The following PCDH17 variants were observed in gnomAD, a reference collection of about 807,000 sequenced individuals.
PCDH17 encodes the protein protocadherin 17.
A neutral mutation model predicts 67.7 loss-of-function variants in PCDH17; 21 were observed. The ratio of observed to expected loss-of-function variants is 0.31; its 90% CI spans 0.22 to 0.45. The LOEUF is 0.45. PCDH17 is among the 20% of genes least tolerant of loss of function. The pLI is 1.00. For synonymous variants in PCDH17, 701 were observed against 656.7 expected, an observed-to-expected ratio of 1.07 and a Z score of -1.03; for missense variants, 1,471 against 1,564.8, an observed-to-expected ratio of 0.94 and a Z score of 1.01.
Position 57,728,047 on chromosome 13 carries a change from GTGTTAGC to G in PCDH17, c.*2758_*2764del, listed in dbSNP as rs1378974796. The G allele has an allele frequency of 2.0e-5, 3 of 152,722 alleles. No homozygotes were observed. The highest frequency in any genetic ancestry group is 2.0e-4 in the Admixed American group (3 of 15,280). The allele number at this position is 152,722 out of a possible 1,614,324, so 9.5% of individuals were successfully genotyped here. A position where few individuals can be genotyped will look rare whatever the true frequency, so the allele number is the denominator to read the frequency against. Reference sequence around the variant, plus strand: ...GCTCTCTGTCACCAGTGATTTACTAGTGTTAGCTGTTTAACACATTATCTGTATTTAG... The same window carrying G: ...GCTCTCTGTCACCAGTGATTTACTAGTGTTTAACACATTATCTGTATTTAG... On this transcript the variant is annotated 3_prime_UTR_variant, in exon 4 of 4. Coordinates refer to ENST00000377918, the MANE Select transcript of PCDH17 (RefSeq NM_001040429.3).
At chr13:57,679,409 A>G (rs1955426885) in intron 3 of PCDH17, among the ~76,000 whole-genome samples, 1 of 151,268 alleles carries the variant, frequency 6.6e-6, no homozygotes. Context: ...AGTCTAGCCA[A>G]AGTAAATATG....
chr13:57,651,131 C>T (rs1955031811), intron 1 of PCDH17, among the ~76,000 whole-genome samples: 1 of 152,162 alleles, frequency 6.6e-6, no homozygotes, highest in Non-Finnish European at 1.5e-5. Context: ...CACATGCACA[C>T]AAACACACAA....
chr13:57,637,438 T>C (rs193070579), intron 1 of PCDH17, among the ~76,000 whole-genome samples: 1 of 144,662 alleles, frequency 6.9e-6, no homozygotes, highest in African/African-American at 2.5e-5. Flanking sequence ...AGGGACAGTC[T>C]TTTTTTTTTT....
intron 1 of PCDH17, among the ~76,000 whole-genome samples, chr13:57,659,153 A>G (rs974912443): frequency 1.3e-5 from 2 of 151,916 alleles, no homozygotes; most frequent in African/African-American, 4.8e-5. Context: ...ACTCACATAT[A>G]TAATTATCAG....
Position 57,725,248 on chromosome 13 carries a change from T to A in PCDH17, c.3434T>A (p.Leu1145His). 1 of 1,613,668 alleles carries A rather than the reference T, an allele frequency of 6.2e-7. No homozygotes were observed. Among genetic ancestry groups the A allele is most frequent in the South Asian group, 1.1e-5 (1 of 91,066 alleles). ...AEEVVREIDKLLQDCRGNDPV... is the reference protein window; with the variant it reads ...AEEVVREIDKHLQDCRGNDPV... ...GAAGTTGTGAGAGAAATTGATAAGCTTTTGCAAGACTGCCGGGGAAACGAC... is the reference window on the plus strand; with the variant it reads ...GAAGTTGTGAGAGAAATTGATAAGCATTTGCAAGACTGCCGGGGAAACGAC... Residue 1145 changes from leucine to histidine, a missense_variant, in exon 4 of 4, where the codon CTT becomes CAT. This residue lies in a region of PCDH17 where 297 missense variants were observed against 298.6 expected (regional missense o/e 0.99). Coordinates refer to ENST00000377918, the MANE Select transcript of PCDH17 (RefSeq NM_001040429.3).
In PCDH17 at chr13:57,646,764, T is replaced by A. The variant is rs549844570; in HGVS notation, c.2565+11653T>A. Among the ~76,000 whole-genome samples, 38 of 151,924 alleles carry A rather than the reference T, an allele frequency of 2.5e-4. No homozygotes were observed. The South Asian group carries it at 4.1e-3, about 17-fold the overall frequency. On this transcript the variant is annotated intron_variant, in intron 1 of 3. Transcript: ENST00000377918. ...TTAAATATCATATAAGATTATCCCATGAATAAGAAGTTCTCAATGCAGAAT... is the reference window on the plus strand; with the variant it reads ...TTAAATATCATATAAGATTATCCCAAGAATAAGAAGTTCTCAATGCAGAAT...
intron 3 of PCDH17, among the ~76,000 whole-genome samples, chr13:57,693,858 T>G (rs1955582629): frequency 6.6e-6 from 1 of 151,186 alleles, no homozygotes; most frequent in Admixed American, 6.6e-5. Context: ...TTAGATTTCA[T>G]CTTTCTATAT....
Position 57,692,204 on chromosome 13 carries a change from T to C in PCDH17, c.2797+25371T>C, listed in dbSNP as rs940357824. Among the ~76,000 whole-genome samples, 4 of 151,368 alleles carry C rather than the reference T, an allele frequency of 2.6e-5. No homozygotes were observed. The East Asian group carries it at 7.7e-4, about 29-fold the overall frequency. On this transcript the variant is annotated intron_variant, in intron 3 of 3. Transcript: ENST00000377918. ...CAGTTCTACGCTTATTATTAAATTG[T>C]CTGCAATTTTATGGATAAATAAATG...
rs1460888592 is a variant in PCDH17, at chr13:57,633,382, T to C, written c.836T>C (p.Leu279Pro). 1 of 1,613,156 alleles carries C rather than the reference T, an allele frequency of 6.2e-7. No homozygotes were observed. The highest frequency in any genetic ancestry group is 1.7e-5 in the Admixed American group (1 of 59,992). ...GATGAAGGTCCCAATGGTGAAGTGCTCTACTCTTTCAGCAGCTACGTGCCT... is the reference window on the plus strand; with the variant it reads ...GATGAAGGTCCCAATGGTGAAGTGCCCTACTCTTTCAGCAGCTACGTGCCT... ...DADEGPNGEV[L>P]YSFSSYVPDR... Residue 279 changes from leucine (L) to proline (P), a missense_variant, in exon 1 of 4, where the codon CTC becomes CCC. By Grantham distance (98) the Leu-to-Pro change is moderately conservative (BLOSUM62 -3). Around this residue, in one of 3 missense-constraint regions of PCDH17, gnomAD observed 1,163 missense variants for 1,230.0 expected, o/e 0.95. Coordinates refer to ENST00000377918, the MANE Select transcript of PCDH17 (RefSeq NM_001040429.3). This position sits in a 1 kb window ranked among gnomAD's most constrained non-coding sequence, Gnocchi z 6.2.
intron 1 of PCDH17, among the ~76,000 whole-genome samples, chr13:57,655,535 A>C (rs1001479831): frequency 1.3e-5 from 2 of 151,942 alleles, no homozygotes; most frequent in Non-Finnish European, 2.9e-5. Flanking sequence ...AACATATTAA[A>C]TTTCTTTTGC....
intron 1 of PCDH17, among the ~76,000 whole-genome samples, chr13:57,652,292 A>AAG (rs1409228958): frequency 2.0e-5 from 3 of 151,490 alleles, no homozygotes; most frequent in Non-Finnish European, 4.4e-5. Flanking sequence ...CTCAAAAAAA[A>AAG]AAAAAAAAAA....
chr13:57,679,521 C>T (rs1955428404), intron 3 of PCDH17, among the ~76,000 whole-genome samples: 1 of 151,252 alleles, frequency 6.6e-6, no homozygotes, highest in Admixed American at 6.6e-5. Flanking sequence ...ATTTGCAGAC[C>T]AATAACAAAT....
At chr13:57,689,018 A>G (rs1955532566) in intron 3 of PCDH17, among the ~76,000 whole-genome samples, 1 of 152,080 alleles carries the variant, frequency 6.6e-6, no homozygotes. Flanking sequence ...CATGGATAAT[A>G]TCAATGACTA....
intron 3 of PCDH17, among the ~76,000 whole-genome samples, chr13:57,679,800 A>G (rs904257291): frequency 6.6e-6 from 1 of 151,556 alleles, no homozygotes; most frequent in Non-Finnish European, 1.5e-5. Flanking sequence ...AGAAAACCTG[A>G]GAAAATTTTA....
At chr13:57,653,550 T>C (rs1458276835) in intron 1 of PCDH17, among the ~76,000 whole-genome samples, 1 of 152,118 alleles carries the variant, frequency 6.6e-6, no homozygotes, top group African/African-American at 2.4e-5. Context: ...TTCATAGGAC[T>C]TAGTTTCCCC....
At chr13:57,700,081 T>C (rs1334404902) in intron 3 of PCDH17, among the ~76,000 whole-genome samples, 1 of 152,056 alleles carries the variant, frequency 6.6e-6, no homozygotes, top group Non-Finnish European at 1.5e-5. Context: ...CAACACATTA[T>C]GTGGTCAACC....
At chr13:57,653,071 T>C (rs967702704) in intron 1 of PCDH17, among the ~76,000 whole-genome samples, 3 of 152,154 alleles carry the variant, frequency 2.0e-5, no homozygotes, top group African/African-American at 7.2e-5. Flanking sequence ...TCTTGTGTAG[T>C]AAAAGTATTC....
At chr13:57,694,518 C>T (rs2138066439) in intron 3 of PCDH17, among the ~76,000 whole-genome samples, 1 of 151,208 alleles carries the variant, frequency 6.6e-6, no homozygotes, top group South Asian at 2.1e-4. Flanking sequence ...ACATTCTTTA[C>T]TTCAGAAGAT....
chr13:57,690,658 T>C (rs1955550191), intron 3 of PCDH17, among the ~76,000 whole-genome samples: 1 of 151,646 alleles, frequency 6.6e-6, no homozygotes, highest in Non-Finnish European at 1.5e-5. Context: ...ATGGTATATT[T>C]AATGTATACT....
Sources: gnomAD v4.1 joint callset for allele counts (sites outside exome capture counted in the v4.1 genomes callset) on GRCh38, gnomAD v4.1.1 for gene constraint, gnomAD v4.1.1 regional missense constraint, Gnocchi (gnomAD v3.1) non-coding constraint, MANE v1.5 for transcripts, NCBI Gene and HGNC (gene_info 2026-07-23, HGNC 2026-07-21) for gene names.